Variants in GDA observed in about 807,000 individuals in gnomAD.
GDA encodes the protein cytoplasmic PSD-95 interactor.
A neutral mutation model predicts 59.6 loss-of-function variants in GDA; 18 were observed. The observed-to-expected ratio is 0.30, with a 90% CI of 0.21 to 0.45. The LOEUF is 0.45. Among genes scored for constraint, GDA ranks in the 20% least tolerant of loss-of-function variants. GDA has a pLI of 1.00. For missense variants in GDA, 427 were observed against 552.3 expected, an observed-to-expected ratio of 0.77 and a Z score of 2.27; for synonymous variants, 201 against 201.1, an observed-to-expected ratio of 1.00 and a Z score of 0.00.
downstream of GDA, among the ~76,000 whole-genome samples, chr9:72,252,841 A>T (rs1337418440): frequency 6.6e-6 from 1 of 152,166 alleles, no homozygotes; most frequent in Admixed American, 6.5e-5. Context: ...ATATGGAGAT[A>T]ATATGAGTGC....
chr9:72,123,647 C>T (rs1042034298), intron 1 of GDA, among the ~76,000 whole-genome samples: 1 of 151,884 alleles, frequency 6.6e-6, no homozygotes, highest in South Asian at 2.1e-4. Context: ...ACCACCACGC[C>T]CAGCTAATTT....
At chr9:72,199,863 T>C (rs1474488171) in intron 2 of GDA, among the ~76,000 whole-genome samples, 1 of 152,160 alleles carries the variant, frequency 6.6e-6, no homozygotes, top group Non-Finnish European at 1.5e-5. Context: ...TCCTGATCTT[T>C]TCTTTCTCAG....
intron 1 of GDA, among the ~76,000 whole-genome samples, chr9:72,187,079 AT>A (rs1831949024): frequency 6.6e-6 from 1 of 152,236 alleles, no homozygotes; most frequent in African/African-American, 2.4e-5. Context: ...ATTGGCTAGA[AT>A]AAGACATTTA....
chr9:72,121,378 A>AC lies in GDA; in HGVS notation c.-100+6547dup, dbSNP rs1226201061. On this transcript the variant is annotated intron_variant, in intron 1 of 13. Transcript: ENST00000545168. The stretch of plus-strand genomic sequence containing the variant: ...TTTGGGAAGCCAAAGCGGGTGGATC[A>AC]CCTGAGGTCAGGAGTTCAAGACCAG... Among the ~76,000 whole-genome samples, 11 of 152,268 alleles carry AC rather than the reference A, an allele frequency of 7.2e-5. No homozygotes were observed. In the South Asian group the frequency reaches 2.1e-3, roughly 29 times the overall value.
At chr9:72,180,954 C>T (rs1831130157) in intron 1 of GDA, among the ~76,000 whole-genome samples, 1 of 152,178 alleles carries the variant, frequency 6.6e-6, no homozygotes, top group Non-Finnish European at 1.5e-5. Context: ...TGTGTTTCCT[C>T]ATTGCCTTCG....
At chr9:72,238,204 C>T (rs1301749312) in intron 10 of GDA, among the ~76,000 whole-genome samples, 3 of 152,126 alleles carry the variant, frequency 2.0e-5, no homozygotes, top group East Asian at 1.9e-4. Flanking sequence ...CCTGACTATC[C>T]TCTCTATAAA....
In GDA at chr9:72,250,421, T is replaced by C; in HGVS notation, c.*2079T>C. 1 of 1,202,214 alleles carries C rather than the reference T, an allele frequency of 8.3e-7. No individual in the cohort carries two copies. Among genetic ancestry groups the C allele is most frequent in the Non-Finnish European group, 1.0e-6 (1 of 960,794 alleles). 74.5% of individuals were successfully genotyped at this position (1,202,214 alleles called of 1,614,324 possible). On this transcript the variant is annotated 3_prime_UTR_variant, in exon 14 of 14. Coordinates refer to ENST00000358399, the MANE Select transcript of GDA (RefSeq NM_004293.5). ...GGAATGGCCGTATACAACCATCCTGTTAAACATTTAAATTTAGCTCTGATA... is the reference window on the plus strand; with the variant it reads ...GGAATGGCCGTATACAACCATCCTGCTAAACATTTAAATTTAGCTCTGATA...
In GDA at chr9:72,162,061, C is replaced by G. The variant is rs570215240; in HGVS notation, c.123+12379C>G. On this transcript the variant is annotated intron_variant, in intron 1 of 13. Transcript: ENST00000358399. ...GCCTGTGTAGAGTGGTCTCAGGTAC[C>G]CTTTAACCCTTTTTGGAAATGCAAA... Among the ~76,000 whole-genome samples the G allele has an allele frequency of 6.6e-5, 10 of 152,154 alleles. No homozygotes were observed. In the South Asian group the frequency reaches 2.1e-3, roughly 32 times the overall value.
chr9:72,138,585 G>A (rs1365417024), intron 1 of GDA, among the ~76,000 whole-genome samples: 1 of 152,236 alleles, frequency 6.6e-6, no homozygotes, highest in Non-Finnish European at 1.5e-5. Context: ...TTCCATAGCA[G>A]TAAAGGAGAC....
downstream of GDA, among the ~76,000 whole-genome samples, chr9:72,258,585 AT>A (rs1840910382): frequency 6.6e-6 from 1 of 152,214 alleles, no homozygotes; most frequent in Non-Finnish European, 1.5e-5. Context: ...CCCAAAGAAA[AT>A]CTGTGAAATG....
intron 3 of GDA, among the ~76,000 whole-genome samples, chr9:72,207,138 T>C (rs1834824285): frequency 6.6e-6 from 1 of 152,204 alleles, no homozygotes; most frequent in Non-Finnish European, 1.5e-5. Flanking sequence ...TCATTCTCAG[T>C]TTAATTCTTC....
upstream of GDA, among the ~76,000 whole-genome samples, chr9:72,146,410 C>T (rs945129475): frequency 2.6e-5 from 4 of 152,194 alleles, no homozygotes; most frequent in African/African-American, 9.6e-5. Context: ...TCCCTCTTTC[C>T]TCCAAACCTC....
At chr9:72,189,170 T>TTA (rs1832230173) in intron 1 of GDA, among the ~76,000 whole-genome samples, 1 of 100,692 alleles carries the variant, frequency 9.9e-6, no homozygotes, top group Non-Finnish European at 2.2e-5. Context: ...TCTAGACTTT[T>TTA]TTTTTTTTTT....
intron 8 of GDA, among the ~76,000 whole-genome samples, chr9:72,226,018 T>TGTGC (rs1554678695): frequency 1.9e-4 from 28 of 147,168 alleles, no homozygotes; most frequent in African/African-American, 7.1e-4. Flanking sequence ...TGTGTGTGCG[T>TGTGC]GTGTGTGTGT....
intron 1 of GDA, among the ~76,000 whole-genome samples, chr9:72,144,053 C>G (rs1205038624): frequency 6.6e-6 from 1 of 152,114 alleles, no homozygotes; most frequent in Admixed American, 6.5e-5. Flanking sequence ...GAAACCCCAT[C>G]TCTACTAAAA....
chr9:72,192,226 T>A (rs79216814), intron 1 of GDA, among the ~76,000 whole-genome samples: 1 of 67,620 alleles, frequency 1.5e-5, no homozygotes, highest in Admixed American at 1.5e-4. Context: ...AAATAGCCTT[T>A]TTTTTTTTTT....
chr9:72,220,508 CT>C (rs894951287), intron 6 of GDA, among the ~76,000 whole-genome samples: 3 of 152,140 alleles, frequency 2.0e-5, no homozygotes, highest in African/African-American at 7.2e-5. Context: ...GTTCACTAAG[CT>C]TTTAGTTGAT....
chr9:72,213,706 G>A (rs1487591658), intron 4 of GDA, among the ~76,000 whole-genome samples, 180 bp from the exon 5 acceptor site: 1 of 151,744 alleles, frequency 6.6e-6, no homozygotes, highest in Non-Finnish European at 1.5e-5. Context: ...GGGAGGCTGA[G>A]GCAGGAGAAT....
rs987590894 is a variant in GDA, at chr9:72,149,745, G to A, written c.123+63G>A. On this transcript the variant is annotated intron_variant, in intron 1 of 13. Transcript: ENST00000358399. ...GGAGGATAGGTGCAAGGAACCTGGC[G>A]CGGTGCTTCGCGTAGCCCGGGGTTC... 4 of 1,480,836 alleles carry A rather than the reference G, an allele frequency of 2.7e-6. No individual in the cohort carries two copies. In the African/African-American group the frequency reaches 5.9e-5, roughly 22 times the overall value. The allele number at this position is 1,480,836 out of a possible 1,614,324, so 91.7% of individuals were successfully genotyped here.
Sources: gnomAD v4.1 joint callset for allele counts (sites outside exome capture counted in the v4.1 genomes callset) on GRCh38, gnomAD v4.1.1 for gene constraint, MANE v1.5 for transcripts, NCBI Gene and HGNC (gene_info 2026-07-23, HGNC 2026-07-21) for gene names.